Variants in RANBP2 observed in about 807,000 individuals in gnomAD.
RANBP2 encodes E3 SUMO-protein ligase RanBP2.
In RANBP2, 57 loss-of-function variants were observed where a neutral mutation model predicts 303.6. That is an observed-to-expected ratio of 0.19 (90% confidence interval 0.15 to 0.23). RANBP2 has a LOEUF of 0.23. Ranked by LOEUF, RANBP2 falls within the 10% of genes least tolerant of loss-of-function variation. RANBP2 has a pLI of 1.00. For synonymous variants in RANBP2, 1,167 were observed against 1,301.5 expected, an observed-to-expected ratio of 0.90 and a Z score of 2.23; for missense variants, 3,138 against 3,780.8, an observed-to-expected ratio of 0.83 and a Z score of 4.46.
the RANBP2 span, among the ~76,000 whole-genome samples, chr2:109,185,819 G>GT: frequency 6.6e-6 from 1 of 152,252 alleles, no homozygotes; most frequent in Non-Finnish European, 1.5e-5. Context: ...CTGTGGCACT[G>GT]TAGGAGAAAT....
chr2:108,760,686 A>G (rs551453142), intron 18 of RANBP2, among the ~76,000 whole-genome samples: 1 of 152,144 alleles, frequency 6.6e-6, no homozygotes, highest in Non-Finnish European at 1.5e-5. Flanking sequence ...TGCAAATGGC[A>G]GTTGGTAGTT....
At chr2:109,126,667 G>A in the RANBP2 span, among the ~76,000 whole-genome samples, 1 of 152,220 alleles carries the variant, frequency 6.6e-6, no homozygotes, top group Non-Finnish European at 1.5e-5. Flanking sequence ...GTGAAGGGTT[G>A]AGTCATCAAC....
the RANBP2 span, among the ~76,000 whole-genome samples, chr2:109,041,760 C>T: frequency 7.2e-6 from 1 of 138,562 alleles, no homozygotes; most frequent in African/African-American, 2.8e-5. Flanking sequence ...AGGTTGGTCT[C>T]GAACTCCAGA....
the RANBP2 span, among the ~76,000 whole-genome samples, chr2:109,335,933 A>G: frequency 1.3e-5 from 2 of 152,312 alleles, no homozygotes. Context: ...AAAAAAAGAC[A>G]CTTGGGGGCT....
the RANBP2 span, among the ~76,000 whole-genome samples, chr2:109,407,052 C>T: frequency 8.5e-5 from 13 of 152,214 alleles, no homozygotes; most frequent in Non-Finnish European, 1.9e-4. Context: ...GCTTGCACTG[C>T]TGTGTGCAAG....
chr2:108,816,478 A>G, the RANBP2 span, among the ~76,000 whole-genome samples: 1 of 151,936 alleles, frequency 6.6e-6, no homozygotes, highest in Non-Finnish European at 1.5e-5. Context: ...AACAAATTTG[A>G]GGGGCTGCCT....
the RANBP2 span, among the ~76,000 whole-genome samples, chr2:109,687,877 G>A: frequency 4.7e-3 from 720 of 152,054 alleles, 3 homozygotes; most frequent in African/African-American, 0.016. Flanking sequence ...CTGAGTAGCT[G>A]GGACTACACA....
chr2:108,787,895 G>T, downstream of RANBP2: 1 of 732,892 alleles, frequency 1.4e-6, no homozygotes, highest in Non-Finnish European at 2.1e-6. Context: ...TATTAGTTTT[G>T]ATCACTTGGT....
chr2:108,920,072 C>T, the RANBP2 span, among the ~76,000 whole-genome samples: 3 of 152,370 alleles, frequency 2.0e-5, no homozygotes, highest in South Asian at 6.2e-4. Flanking sequence ...CACCTGAGTC[C>T]TCATCTGAAT....
the RANBP2 span, among the ~76,000 whole-genome samples, chr2:109,218,197 C>T: frequency 6.6e-6 from 1 of 151,816 alleles, no homozygotes; most frequent in Non-Finnish European, 1.5e-5. Flanking sequence ...TTCTGAGGCA[C>T]GTGACAAAAT....
At chr2:109,684,284 C>T in the RANBP2 span, among the ~76,000 whole-genome samples, 1 of 147,060 alleles carries the variant, frequency 6.8e-6, no homozygotes, top group African/African-American at 2.5e-5. Context: ...CTCTGTCGCC[C>T]AGGCTGGAGT....
the RANBP2 span, among the ~76,000 whole-genome samples, chr2:109,647,114 G>C: frequency 2.7e-5 from 4 of 147,802 alleles, no homozygotes; most frequent in Admixed American, 2.7e-4. Flanking sequence ...TCCTGTGCGT[G>C]ATCCTTTTGG....
the RANBP2 span, among the ~76,000 whole-genome samples, chr2:109,403,793 T>C: frequency 1.3e-5 from 2 of 152,302 alleles, no homozygotes; most frequent in South Asian, 2.1e-4. Flanking sequence ...GGTTGAGCAC[T>C]TATCCTTGCA....
At chr2:109,381,012 G>A in the RANBP2 span, among the ~76,000 whole-genome samples, 2 of 152,242 alleles carry the variant, frequency 1.3e-5, no homozygotes, top group African/African-American at 4.8e-5. Flanking sequence ...GACTACCTGT[G>A]TTGGCTTTAA....
chr2:108,834,273 C>T, the RANBP2 span, among the ~76,000 whole-genome samples: 2 of 148,740 alleles, frequency 1.3e-5, no homozygotes, highest in Non-Finnish European at 3.0e-5. Flanking sequence ...AGTGCAGTGG[C>T]GCAATCTCGG....
At chr2:108,980,531 T>C in the RANBP2 span, among the ~76,000 whole-genome samples, 1 of 152,192 alleles carries the variant, frequency 6.6e-6, no homozygotes, top group South Asian at 2.1e-4. Context: ...TTTACATATA[T>C]ATATTTATGT....
chr2:109,614,434 C>T, the RANBP2 span: 3 of 1,155,788 alleles, frequency 2.6e-6, no homozygotes, highest in East Asian at 1.1e-4. Context: ...GCTGGGAGCC[C>T]GTCGCTATGG....
At chr2:109,409,129 T>A in the RANBP2 span, among the ~76,000 whole-genome samples, 2 of 152,236 alleles carry the variant, frequency 1.3e-5, no homozygotes, top group Non-Finnish European at 2.9e-5. Context: ...CCTCCCATAT[T>A]CCACTGTTTT....
chr2:108,807,423 G>T, the RANBP2 span, among the ~76,000 whole-genome samples: 1 of 152,090 alleles, frequency 6.6e-6, no homozygotes, highest in Non-Finnish European at 1.5e-5. Context: ...GGGGTACAGT[G>T]ATATTTGATA....
Sources: allele counts gnomAD v4.1 joint callset (sites outside exome capture counted in the v4.1 genomes callset), GRCh38; gene constraint gnomAD v4.1.1; transcripts MANE v1.5; gene names NCBI Gene and HGNC (gene_info 2026-07-23, HGNC 2026-07-21).